The following OSBPL8 variants were observed in gnomAD, a reference collection of about 807,000 sequenced individuals.
OSBPL8 encodes the protein oxysterol-binding protein-related protein 8.
A neutral mutation model predicts 125.5 loss-of-function variants in OSBPL8; 59 were observed. The observed-to-expected ratio is 0.47, with a 90% CI of 0.38 to 0.58. The LOEUF is 0.58. OSBPL8 is among the 20% of genes least tolerant of loss of function. The probability of loss-of-function intolerance (pLI) is 0.00; values close to 1 mark genes in which losing one functional copy is unlikely to be tolerated. For synonymous variants in OSBPL8, 330 were observed against 338.9 expected (o/e 0.97, Z 0.29); for missense variants, 758 against 1,047.8 (o/e 0.72, Z 3.82).
intron 2 of OSBPL8, among the ~76,000 whole-genome samples, chr12:76,472,620 C>T (rs11829590): frequency 0.21 from 31,252 of 152,130 alleles, 3,453 homozygotes; most frequent in Non-Finnish European, 0.26. Flanking sequence ...ACGTGGGTCA[C>T]GTGTCCACTG....
At chr12:76,479,584 G>A (rs1019349339) in intron 2 of OSBPL8, among the ~76,000 whole-genome samples, 13 of 151,900 alleles carry the variant, frequency 8.6e-5, no homozygotes, top group Non-Finnish European at 1.6e-4. Flanking sequence ...GCCTCCTGAC[G>A]GTTACATACA....
At chr12:76,445,282 TAAAAG>T (rs1872611061) in intron 4 of OSBPL8, among the ~76,000 whole-genome samples, 1 of 152,154 alleles carries the variant, frequency 6.6e-6, no homozygotes, top group African/African-American at 2.4e-5. Flanking sequence ...TTATAACTTC[TAAAAG>T]AAAACACAGA....
chr12:76,401,907 T>C (rs1464530928), intron 6 of OSBPL8, among the ~76,000 whole-genome samples: 2 of 152,248 alleles, frequency 1.3e-5, no homozygotes, highest in African/African-American at 2.4e-5. Flanking sequence ...TGTTGCTTTG[T>C]TGTTATAATT....
intron 1 of OSBPL8, among the ~76,000 whole-genome samples, chr12:76,492,259 T>G (rs935990584): frequency 4.6e-5 from 7 of 152,168 alleles, no homozygotes; most frequent in Non-Finnish European, 7.3e-5. Flanking sequence ...GGGAAGAGTC[T>G]GCAGGTAAGA....
At chr12:76,522,120 G>A (rs941174492) in intron 1 of OSBPL8, among the ~76,000 whole-genome samples, 1 of 152,078 alleles carries the variant, frequency 6.6e-6, no homozygotes, top group Non-Finnish European at 1.5e-5. Context: ...TCCATGATGT[G>A]CTGATTATTC....
intron 4 of OSBPL8, among the ~76,000 whole-genome samples, chr12:76,448,462 A>C (rs894182314): frequency 2.6e-5 from 4 of 152,200 alleles, no homozygotes; most frequent in African/African-American, 7.2e-5. Context: ...GCAAAAAAAA[A>C]CCAGGTCAGT....
In OSBPL8 at chr12:76,496,831, C is replaced by T. The variant is rs12313114; in HGVS notation, c.-67-9213G>A. Among the ~76,000 whole-genome samples, 971 of 152,220 alleles carry T rather than the reference C, an allele frequency of 6.4e-3. 14 individuals carry two copies. The highest frequency in any genetic ancestry group is 0.022 in the African/African-American group (926 of 41,538). ...TATTAGGATTACAGGTGTGAGCCAC[C>T]GTGCGTGGCCTTGGCTAATATTTTT... On this transcript the variant is annotated intron_variant, in intron 1 of 23. Transcript: ENST00000261183.
At chr12:76,481,431 G>T (rs888682538) in intron 2 of OSBPL8, among the ~76,000 whole-genome samples, 1 of 152,106 alleles carries the variant, frequency 6.6e-6, no homozygotes, top group African/African-American at 2.4e-5. Context: ...TGTTGTTACA[G>T]CCTGGGAAAC....
At chr12:76,422,625 ATCTACGTTGTGAGCTC>A (rs766741249) in intron 4 of OSBPL8, 1 of 456,562 alleles carries the variant, frequency 2.2e-6, no homozygotes, top group South Asian at 1.5e-5. Flanking sequence ...CAGGAAGAAA[ATCTACGTTGTGAGCTC>A]TCTTCTTTCA....
intron 5 of OSBPL8, among the ~76,000 whole-genome samples, chr12:76,408,940 C>T (rs151271474): frequency 1.3e-5 from 2 of 151,994 alleles, no homozygotes; most frequent in East Asian, 3.9e-4. Context: ...AGTACGAATA[C>T]CATTATACCA....
chr12:76,356,795 A>G, intron 22 of OSBPL8, 67 bp from the exon 23 acceptor site: 2 of 1,098,950 alleles, frequency 1.8e-6, no homozygotes, highest in Non-Finnish European at 2.6e-6. Context: ...AATGTGTCTC[A>G]TGTAATAAAA....
chr12:76,414,157 G>A (rs1287353035), intron 4 of OSBPL8, among the ~76,000 whole-genome samples: 2 of 151,994 alleles, frequency 1.3e-5, no homozygotes, highest in African/African-American at 4.8e-5. Context: ...ACCATTTATC[G>A]AAAAGAACTT....
chr12:76,514,035 T>C (rs961129995), intron 1 of OSBPL8, among the ~76,000 whole-genome samples: 4 of 152,148 alleles, frequency 2.6e-5, no homozygotes, highest in African/African-American at 9.7e-5. Flanking sequence ...TTTAAGTGTG[T>C]TTTTGTATTA....
chr12:76,403,169 G>A (rs1455766522), intron 5 of OSBPL8, among the ~76,000 whole-genome samples: 1 of 152,108 alleles, frequency 6.6e-6, no homozygotes, highest in South Asian at 2.1e-4. Context: ...TGCACATATT[G>A]CCCTGCTTCT....
At chr12:76,500,875 T>A (rs1263215081) in intron 1 of OSBPL8, among the ~76,000 whole-genome samples, 1 of 152,224 alleles carries the variant, frequency 6.6e-6, no homozygotes. Flanking sequence ...TTTTACTCAG[T>A]CCTCACAAAG....
intron 3 of OSBPL8, among the ~76,000 whole-genome samples, chr12:76,458,108 CA>C (rs1874279364): frequency 1.3e-5 from 2 of 151,514 alleles, no homozygotes; most frequent in African/African-American, 2.4e-5. Context: ...CCTGTGTCTA[CA>C]AAAAATAAAA....
intron 1 of OSBPL8, among the ~76,000 whole-genome samples, chr12:76,500,994 G>A (rs576070416): frequency 6.6e-6 from 1 of 152,266 alleles, no homozygotes; most frequent in East Asian, 1.9e-4. Flanking sequence ...CCAGGTCCTA[G>A]TAGGCATCTG....
chr12:76,437,046 A>G (rs1871542589), intron 4 of OSBPL8, among the ~76,000 whole-genome samples: 2 of 152,166 alleles, frequency 1.3e-5, no homozygotes, highest in Admixed American at 1.3e-4. Context: ...TTGTATGAAT[A>G]TATTGTAATA....
chr12:76,437,572 G>GC (rs1257020013), intron 4 of OSBPL8, among the ~76,000 whole-genome samples: 1 of 152,066 alleles, frequency 6.6e-6, no homozygotes, highest in Non-Finnish European at 1.5e-5. Flanking sequence ...GCACTGCAAC[G>GC]CATCTCTACT....
Sources: allele counts gnomAD v4.1 joint callset (sites outside exome capture counted in the v4.1 genomes callset), GRCh38; gene constraint gnomAD v4.1.1; transcripts MANE v1.5; gene names NCBI Gene and HGNC (gene_info 2026-07-23, HGNC 2026-07-21).